The following LOC128706666 variants were observed in gnomAD, a reference collection of about 807,000 sequenced individuals.
the LOC128706666 span, among the ~76,000 whole-genome samples, chr20:10,421,832 T>C: frequency 0.14 from 21,650 of 151,658 alleles, 1,737 homozygotes; most frequent in East Asian, 0.24. Context: ...CCCAGAAAGA[T>C]GCTATGTTTG....
At chr20:10,418,424 G>A in the LOC128706666 span, among the ~76,000 whole-genome samples, 1 of 152,094 alleles carries the variant, frequency 6.6e-6, no homozygotes, top group African/African-American at 2.4e-5. Flanking sequence ...ATGAAAATAA[G>A]AATAGAAAAT....
At chr20:10,422,962 C>T in the LOC128706666 span, among the ~76,000 whole-genome samples, 235 of 152,208 alleles carry the variant, frequency 1.5e-3, 7 homozygotes, top group South Asian at 0.043. Context: ...CCGCTCGCCT[C>T]GGCCTCCCAA....
chr20:10,414,909 C>T, the LOC128706666 span, among the ~76,000 whole-genome samples: 1,668 of 152,230 alleles, frequency 0.011, 29 homozygotes, highest in African/African-American at 0.038. Context: ...TCCTAGTCAA[C>T]GAATCCTCCC....
the LOC128706666 span, chr20:10,420,493 C>T: frequency 6.6e-6 from 1 of 152,208 alleles, no homozygotes; most frequent in Non-Finnish European, 1.5e-5. Context: ...TGGAATGTGC[C>T]ATATGATTAA....
chr20:10,425,890 C>A, the LOC128706666 span, among the ~76,000 whole-genome samples: 7 of 152,086 alleles, frequency 4.6e-5, no homozygotes, highest in Admixed American at 4.6e-4. Flanking sequence ...TAAAAAAAGA[C>A]TCCTTTAGAA....
At chr20:10,417,571 C>T in the LOC128706666 span, among the ~76,000 whole-genome samples, 3 of 152,246 alleles carry the variant, frequency 2.0e-5, no homozygotes, top group East Asian at 3.9e-4. Context: ...TGATATGTTA[C>T]TGCACTGTAG....
chr20:10,433,892 T>G, the LOC128706666 span, among the ~76,000 whole-genome samples: 1 of 152,294 alleles, frequency 6.6e-6, no homozygotes, highest in African/African-American at 2.4e-5. Flanking sequence ...CCCGCATCCG[T>G]GCCGACCGCA....
chr20:10,417,671 TAAA>T, the LOC128706666 span, among the ~76,000 whole-genome samples: 1 of 150,524 alleles, frequency 6.6e-6, no homozygotes, highest in South Asian at 2.1e-4. Context: ...GCCTTCTCTG[TAAA>T]AAAAAAAAAT....
chr20:10,420,361 G>A, the LOC128706666 span, among the ~76,000 whole-genome samples: 22 of 152,198 alleles, frequency 1.4e-4, no homozygotes, highest in South Asian at 3.3e-3. Flanking sequence ...TCTGCACAAC[G>A]AACTTTTCTA....
At chr20:10,432,709 T>C in the LOC128706666 span, among the ~76,000 whole-genome samples, 5 of 148,074 alleles carry the variant, frequency 3.4e-5, no homozygotes, top group African/African-American at 5.0e-5. Flanking sequence ...GCAGGGAGAA[T>C]TGCTTGAACC....
the LOC128706666 span, among the ~76,000 whole-genome samples, chr20:10,421,408 C>A: frequency 7.4e-6 from 1 of 135,730 alleles, no homozygotes; most frequent in Admixed American, 7.4e-5. Context: ...CAGAATGAGA[C>A]TCCATCACAA....
chr20:10,424,058 A>G, the LOC128706666 span, among the ~76,000 whole-genome samples: 1 of 152,204 alleles, frequency 6.6e-6, no homozygotes. Flanking sequence ...TTGGGAAATG[A>G]TTAGGATCAG....
the LOC128706666 span, among the ~76,000 whole-genome samples, chr20:10,414,970 TAAC>T: frequency 6.6e-6 from 1 of 152,202 alleles, no homozygotes; most frequent in Non-Finnish European, 1.5e-5. Flanking sequence ...ATATGCTGGA[TAAC>T]AACAACAATA....
the LOC128706666 span, among the ~76,000 whole-genome samples, chr20:10,429,827 A>T: frequency 6.6e-6 from 1 of 152,192 alleles, no homozygotes; most frequent in Non-Finnish European, 1.5e-5. Flanking sequence ...CAGTGCCATT[A>T]GCAACACTTG....
the LOC128706666 span, among the ~76,000 whole-genome samples, chr20:10,432,354 G>A: frequency 4.6e-5 from 7 of 152,208 alleles, no homozygotes; most frequent in African/African-American, 1.4e-4. Flanking sequence ...TCTCCTCAGA[G>A]TCTGATTCTC....
chr20:10,434,180 T>A, the LOC128706666 span: 1 of 152,330 alleles, frequency 6.6e-6, no homozygotes, highest in East Asian at 1.9e-4. Context: ...AAGCAGCCGC[T>A]GCTGCCGCGG....
chr20:10,420,895 T>C, the LOC128706666 span: 1 of 152,194 alleles, frequency 6.6e-6, no homozygotes, highest in Non-Finnish European at 1.5e-5. Context: ...TTATAATACA[T>C]TGCAATGTTA....
At chr20:10,419,648 T>C in the LOC128706666 span, among the ~76,000 whole-genome samples, 6 of 152,098 alleles carry the variant, frequency 3.9e-5, no homozygotes, top group Non-Finnish European at 8.8e-5. Flanking sequence ...TTTGGGTACA[T>C]TGTGAAGTAA....
the LOC128706666 span, among the ~76,000 whole-genome samples, chr20:10,414,355 T>A: frequency 1.4e-5 from 2 of 147,004 alleles, no homozygotes; most frequent in Admixed American, 1.4e-4. Flanking sequence ...AACCTCAGCC[T>A]CCTGGGTTCA....
Sources: gnomAD v4.1 joint callset for allele counts (sites outside exome capture counted in the v4.1 genomes callset) on GRCh38, gnomAD v4.1.1 for gene constraint, MANE v1.5 for transcripts.